Variants in PAX7 observed in about 807,000 individuals in gnomAD.
The protein encoded by PAX7 is paired box 7.
A neutral mutation model predicts 50.7 loss-of-function variants in PAX7; 18 were observed. The observed-to-expected ratio is 0.36, with a 90% CI of 0.25 to 0.53. The LOEUF is 0.53. PAX7 is among the 20% of genes least tolerant of loss of function. The pLI is 0.93. For synonymous variants in PAX7, 310 were observed against 290.4 expected (o/e 1.07, Z -0.69); for missense variants, 644 against 702.9 (o/e 0.92, Z 0.95).
chr1:18,743,716 TAC>T (rs1222860639), intron 8 of PAX7, among the ~76,000 whole-genome samples: 2 of 152,284 alleles, frequency 1.3e-5, no homozygotes, highest in East Asian at 3.9e-4. Flanking sequence ...GCAGAATTAG[TAC>T]AGTCAAGACA....
chr1:18,727,371 TACACACACACACA>T (rs2089587743), intron 7 of PAX7, among the ~76,000 whole-genome samples: 33 of 133,992 alleles, frequency 2.5e-4, no homozygotes, highest in African/African-American at 8.5e-4. Flanking sequence ...CTCTCTCTCA[TACACACACACACA>T]CACACACACA....
chr1:18,678,797 C>G (rs2100261282), intron 4 of PAX7, among the ~76,000 whole-genome samples: 1 of 152,238 alleles, frequency 6.6e-6, no homozygotes, highest in South Asian at 2.1e-4. Flanking sequence ...GCCATCATCC[C>G]AGGGCACAAG....
intron 8 of PAX7, among the ~76,000 whole-genome samples, chr1:18,737,332 C>G (rs1007356301): frequency 6.6e-6 from 1 of 152,242 alleles, no homozygotes; most frequent in Admixed American, 6.5e-5. Flanking sequence ...CCTGCCCACC[C>G]CCCCAAACCC....
At chr1:18,666,132 C>T (rs1260146247) in intron 4 of PAX7, among the ~76,000 whole-genome samples, 2 of 152,128 alleles carry the variant, frequency 1.3e-5, no homozygotes, top group Non-Finnish European at 2.9e-5. Flanking sequence ...AGCGTAGCTC[C>T]GTCTCAATAA....
intron 8 of PAX7, among the ~76,000 whole-genome samples, chr1:18,741,719 G>A (rs1417636334): frequency 6.6e-6 from 1 of 152,242 alleles, no homozygotes; most frequent in Non-Finnish European, 1.5e-5. Flanking sequence ...TGTGACTCCG[G>A]GAAAGTGTCA....
intron 4 of PAX7, among the ~76,000 whole-genome samples, chr1:18,659,526 C>A (rs1322319136): frequency 6.6e-6 from 1 of 152,102 alleles, no homozygotes; most frequent in Non-Finnish European, 1.5e-5. Flanking sequence ...TTTACCTTCA[C>A]CTTCTAAGGA....
intron 4 of PAX7, among the ~76,000 whole-genome samples, chr1:18,647,771 T>C (rs1260141524): frequency 3.3e-5 from 5 of 151,934 alleles, no homozygotes; most frequent in African/African-American, 1.2e-4. Flanking sequence ...CCCTATGACT[T>C]GAGAAATAAT....
At chr1:18,699,028 A>G (rs1387443957) in intron 5 of PAX7, among the ~76,000 whole-genome samples, 1 of 152,184 alleles carries the variant, frequency 6.6e-6, no homozygotes, top group Non-Finnish European at 1.5e-5. Flanking sequence ...ATGGAACACC[A>G]ACCAAGCCTT....
chr1:18,636,227 A>T lies in PAX7; in HGVS notation c.452-10A>T. 6.2e-7 allele frequency: 1 copy of T among 1,613,146 alleles called. No individual in the cohort carries two copies. Among genetic ancestry groups the T allele is most frequent in the Non-Finnish European group, 8.5e-7 (1 of 1,179,414 alleles). The stretch of plus-strand genomic sequence containing the variant: ...ACTTATACTTGCTCTTTTGCCTTTG[A>T]ATTTCTGAGGTTTAGTGAGTTCGAT... On this transcript the variant is annotated splice_polypyrimidine_tract_variant and intron_variant, in intron 3 of 8. Coordinates refer to ENST00000420770, the MANE Select transcript of PAX7 (RefSeq NM_001135254.2). The surrounding 1 kb of genome is among the most constrained non-coding windows in gnomAD (Gnocchi z 5.1).
intron 7 of PAX7, among the ~76,000 whole-genome samples, chr1:18,734,477 A>C (rs2089686857): frequency 6.6e-6 from 1 of 151,670 alleles, no homozygotes; most frequent in Admixed American, 6.6e-5. Context: ...CTCTGCTCTG[A>C]ACTGACTGGG....
intron 4 of PAX7, among the ~76,000 whole-genome samples, chr1:18,689,268 T>C (rs114566181): frequency 3.5e-4 from 53 of 152,346 alleles, no homozygotes; most frequent in African/African-American, 1.2e-3. Context: ...GGTTATGCAC[T>C]GCATTTCAGG....
rs919742619 is a variant in PAX7, at chr1:18,631,447, G to T, written c.-157G>T. 1 of 640,310 alleles carries T rather than the reference G, an allele frequency of 1.6e-6. No homozygotes were observed. Among genetic ancestry groups the T allele is most frequent in the East Asian group, 2.8e-5 (1 of 35,604 alleles). The allele number at this position is 640,310 out of a possible 1,614,324, so 39.7% of individuals were successfully genotyped here. ...GACGCGTTTGACTGCAGCCAGGGGT[G>T]GGGGGTGGGGGTAGGGAGTGTGTGT... On this transcript the variant is annotated 5_prime_UTR_variant, in exon 1 of 9. Coordinates refer to ENST00000420770, the MANE Select transcript of PAX7 (RefSeq NM_001135254.2).
chr1:18,636,021 C>A lies in PAX7; in HGVS notation c.452-216C>A, dbSNP rs2088149270. Among the ~76,000 whole-genome samples the A allele has an allele frequency of 6.6e-6, 1 of 152,082 alleles. No individual in the cohort carries two copies. The highest frequency in any genetic ancestry group is 1.5e-5 in the Non-Finnish European group (1 of 68,018). ...TCTGCATAGAAATGCACAGTCTAAC[C>A]ACCCTGTGAGTGCCCGGGGTGTGAG... On this transcript the variant is annotated intron_variant, in intron 3 of 8. Coordinates refer to ENST00000420770, the MANE Select transcript of PAX7 (RefSeq NM_001135254.2). The surrounding 1 kb of genome is among the most constrained non-coding windows in gnomAD (Gnocchi z 5.1).
rs558449170 is a variant in PAX7 at position 18,638,841 on chromosome 1, C to T, written c.586+2470C>T. Among the ~76,000 whole-genome samples the T allele has an allele frequency of 5.9e-5, 9 of 152,312 alleles. No homozygotes were observed. In the South Asian group the frequency reaches 1.9e-3, roughly 32 times the overall value. ...CCCCTGTGAACCCCTCATCTCTCTT[C>T]CAGGCCCCAGACATCAGTTTCATGT... On this transcript the variant is annotated intron_variant, in intron 4 of 8. Transcript: ENST00000420770.
At chr1:18,714,044 C>G (rs1173346481) in intron 7 of PAX7, among the ~76,000 whole-genome samples, 1 of 151,982 alleles carries the variant, frequency 6.6e-6, no homozygotes. Flanking sequence ...AACCCCGTCT[C>G]TACTAAAAAT....
intron 1 of PAX7, 33 bp downstream of exon 1, chr1:18,631,721 C>G (rs747646158): frequency 5.9e-5 from 92 of 1,567,288 alleles, no homozygotes; most frequent in Non-Finnish European, 7.9e-5. Context: ...CGCCGCGACT[C>G]CGCCGCCCGG....
intron 1 of PAX7, among the ~76,000 whole-genome samples, chr1:18,633,426 A>G (rs952809697): frequency 3.3e-5 from 5 of 152,142 alleles, no homozygotes; most frequent in African/African-American, 1.2e-4. Flanking sequence ...CACACCAGTG[A>G]TGCCTGTCTT....
At position 18,748,025 on chromosome 1, in the gene PAX7, C is replaced by G. The variant is rs1179968379; in HGVS notation, c.*3096C>G. 6.8e-5 allele frequency: 14 copies of G among 206,278 alleles called. No homozygotes were observed. The highest frequency in any genetic ancestry group is 1.4e-4 in the Non-Finnish European group (14 of 101,064). The allele number at this position is 206,278 out of a possible 1,614,324, so 12.8% of individuals were successfully genotyped here. A position where few individuals can be genotyped will look rare whatever the true frequency, so the allele number is the denominator to read the frequency against. The stretch of plus-strand genomic sequence containing the variant: ...AGTGATGTGTAAGAACCAAGCTATG[C>G]TTTTATACTTCCATTTTATACTTGA... On this transcript the variant is annotated 3_prime_UTR_variant, in exon 9 of 9. Transcript: ENST00000420770.
intron 4 of PAX7, among the ~76,000 whole-genome samples, chr1:18,679,928 G>C (rs1050576095): frequency 6.6e-6 from 1 of 152,172 alleles, no homozygotes; most frequent in Admixed American, 6.5e-5. Context: ...ACACTACATG[G>C]AGGGGCCAAT....
Sources: gnomAD v4.1 joint callset for allele counts (sites outside exome capture counted in the v4.1 genomes callset) on GRCh38, gnomAD v4.1.1 for gene constraint, Gnocchi (gnomAD v3.1) non-coding constraint, MANE v1.5 for transcripts, NCBI Gene and HGNC (gene_info 2026-07-23, HGNC 2026-07-21) for gene names.